Variants in DMD observed in about 807,000 individuals in gnomAD.
DMD encodes mutant dystrophin.
DMD carries 63 observed loss-of-function variants against 330.1 expected under a neutral mutation model. The ratio of observed to expected loss-of-function variants is 0.19; its 90% CI spans 0.16 to 0.24. The LOEUF (loss-of-function observed/expected upper bound fraction) is 0.24, where lower values mean the gene tolerates loss of function less well. Among genes scored for constraint, DMD ranks in the 10% least tolerant of loss-of-function variants. The pLI is 1.00. For synonymous variants in DMD, 1,223 were observed against 959.8 expected (o/e 1.27, Z -5.07); for missense variants, 3,344 against 2,684.1 (o/e 1.25, Z -5.43).
At chrX:31,736,000 T>G (rs975438902) in intron 51 of DMD, among the ~76,000 whole-genome samples, 1 of 111,448 alleles carries the variant, frequency 9.0e-6, no homozygotes, top group African/African-American at 3.3e-5. Context: ...TTGAAATTCT[T>G]AATTTTTTTT....
intron 44 of DMD, among the ~76,000 whole-genome samples, chrX:32,059,319 C>T (rs181109756): frequency 9.0e-6 from 1 of 110,902 alleles, no homozygotes; most frequent in African/African-American, 3.3e-5. Flanking sequence ...TGAACTTAAT[C>T]ATTGAATGCC....
intron 55 of DMD, among the ~76,000 whole-genome samples, chrX:31,622,282 T>C (rs1321369879): frequency 9.1e-6 from 1 of 110,459 alleles, no homozygotes; most frequent in East Asian, 2.8e-4. Flanking sequence ...AGTGATCCAG[T>C]ATTTCCACAC....
intron 55 of DMD, among the ~76,000 whole-genome samples, chrX:31,608,903 TGGA>T (rs2148279811): frequency 9.0e-6 from 1 of 111,482 alleles, no homozygotes; most frequent in East Asian, 2.8e-4. Context: ...TTGCAGAAGG[TGGA>T]GAAGAAATGG....
intron 76 of DMD, among the ~76,000 whole-genome samples, chrX:31,138,750 G>A (rs1233692850): frequency 9.2e-6 from 1 of 108,646 alleles, no homozygotes; most frequent in Non-Finnish European, 1.9e-5. Context: ...TCACTATCAC[G>A]AGAACAGCAT....
chrX:31,180,573 T>C (rs991356077), intron 68 of DMD, 92 bp from the exon 69 acceptor site: 5 of 649,854 alleles, frequency 7.7e-6, no homozygotes, highest in Non-Finnish European at 1.0e-5. Flanking sequence ...CGTTCTAATT[T>C]GAGAAACAGA....
At chrX:31,337,602 T>A (rs909112045) in intron 61 of DMD, among the ~76,000 whole-genome samples, 1 of 112,401 alleles carries the variant, frequency 8.9e-6, no homozygotes, top group African/African-American at 3.2e-5. Context: ...CAAAGCTTTG[T>A]ATTTTGGACA....
intron 1 of DMD, among the ~76,000 whole-genome samples, chrX:33,037,588 C>T (rs2094226656): frequency 9.0e-6 from 1 of 110,942 alleles, no homozygotes; most frequent in Non-Finnish European, 1.9e-5. Context: ...GGAATCCAAC[C>T]AGAACTTTCT....
chrX:31,691,644 C>G (rs1210038181), intron 52 of DMD, among the ~76,000 whole-genome samples: 1 of 111,862 alleles, frequency 8.9e-6, no homozygotes, highest in Non-Finnish European at 1.9e-5. Flanking sequence ...AGGGTAGTTA[C>G]ACTTACTTCA....
intron 9 of DMD, among the ~76,000 whole-genome samples, chrX:32,676,383 A>C (rs2061969299): frequency 9.0e-6 from 1 of 111,252 alleles, no homozygotes; most frequent in Non-Finnish European, 1.9e-5. Flanking sequence ...CATGGATAAT[A>C]TAACATAAAG....
intron 53 of DMD, among the ~76,000 whole-genome samples, chrX:31,659,596 C>T (rs961000768): frequency 3.1e-5 from 3 of 98,089 alleles, no homozygotes; most frequent in Non-Finnish European, 6.0e-5. Flanking sequence ...CAAGATCACG[C>T]CACTGCACTC....
intron 49 of DMD, among the ~76,000 whole-genome samples, chrX:31,823,873 C>T (rs1338392812): frequency 9.0e-6 from 1 of 111,596 alleles, no homozygotes; most frequent in East Asian, 2.8e-4. Context: ...CACACCCAGC[C>T]TTATTAGGCT....
At chrX:32,396,958 A>C (rs1372378300) in intron 30 of DMD, among the ~76,000 whole-genome samples, 1 of 111,840 alleles carries the variant, frequency 8.9e-6, no homozygotes, top group Non-Finnish European at 1.9e-5. Flanking sequence ...TTATTGTGAA[A>C]TAGAAAAGTA....
chrX:32,229,754 C>G (rs1484259304), intron 43 of DMD, among the ~76,000 whole-genome samples: 3 of 83,897 alleles, frequency 3.6e-5, no homozygotes, highest in Non-Finnish European at 6.8e-5. Context: ...AATAAGTATA[C>G]ACCCACAAAA....
At chrX:33,104,826 T>C (rs1402211357) in intron 1 of DMD, among the ~76,000 whole-genome samples, 1 of 112,586 alleles carries the variant, frequency 8.9e-6, no homozygotes, top group Admixed American at 9.4e-5. Context: ...ATATCAGTAA[T>C]AACCTAAAAT....
At chrX:31,585,772 C>T (rs949563151) in intron 55 of DMD, among the ~76,000 whole-genome samples, 2 of 111,463 alleles carry the variant, frequency 1.8e-5, no homozygotes, top group Admixed American at 9.6e-5. Context: ...TCTCAATCAG[C>T]AACAATAGTA....
At chrX:32,817,381 G>C (rs988369322) in intron 5 of DMD, among the ~76,000 whole-genome samples, 10 of 111,740 alleles carry the variant, frequency 8.9e-5, no homozygotes, top group Non-Finnish European at 1.7e-4. Context: ...TGTCTCATAG[G>C]CTTCGTGCAT....
intron 2 of DMD, among the ~76,000 whole-genome samples, chrX:32,971,209 G>C (rs1050105241): frequency 1.8e-5 from 2 of 111,171 alleles, no homozygotes; most frequent in African/African-American, 6.5e-5. Flanking sequence ...TCATCCGCTT[G>C]CCTTGGCCTC....
intron 48 of DMD, among the ~76,000 whole-genome samples, chrX:31,850,489 G>A (rs1036292110): frequency 9.0e-6 from 1 of 111,709 alleles, no homozygotes; most frequent in African/African-American, 3.3e-5. Context: ...GTGTACCTTT[G>A]ACCAATAGAC....
At chrX:32,547,298 AC>A (rs1210047947) in intron 16 of DMD, among the ~76,000 whole-genome samples, 1 of 111,310 alleles carries the variant, frequency 9.0e-6, no homozygotes, top group Non-Finnish European at 1.9e-5. Context: ...CGTGGTATCT[AC>A]TTATAAAATT....
Sources: allele counts gnomAD v4.1 joint callset (sites outside exome capture counted in the v4.1 genomes callset), GRCh38; gene constraint gnomAD v4.1.1; transcripts MANE v1.5; gene names NCBI Gene and HGNC (gene_info 2026-07-23, HGNC 2026-07-21).